Variants in AAMDC observed in about 807,000 individuals in gnomAD.
AAMDC encodes the protein mth938 domain-containing protein.
AAMDC carries 16 observed loss-of-function variants against 15.5 expected under a neutral mutation model. That is an observed-to-expected ratio of 1.03 (90% CI 0.70 to 1.57). AAMDC has a LOEUF of 1.57. Among genes scored for constraint, AAMDC ranks in the 40% most tolerant of loss-of-function variants. AAMDC has a pLI of 0.00. For missense variants in AAMDC, 141 were observed against 144.9 expected (o/e 0.97, Z 0.14); for synonymous variants, 51 against 51.6 (o/e 0.99, Z 0.05).
intron 1 of AAMDC, among the ~76,000 whole-genome samples, chr11:77,828,670 GAA>G (rs34504909): frequency 2.0e-4 from 17 of 83,884 alleles, no homozygotes; most frequent in Middle Eastern, 7.9e-3. Context: ...ACTCCATCTC[GAA>G]AAAAAAAAAA....
At chr11:77,870,527 C>T (rs868235056) in intron 3 of AAMDC, among the ~76,000 whole-genome samples, 11 of 151,506 alleles carry the variant, frequency 7.3e-5, no homozygotes, top group Middle Eastern at 3.4e-3. Context: ...TTAGTAGAGA[C>T]GGGGTTTCAC....
intron 1 of AAMDC, among the ~76,000 whole-genome samples, chr11:77,833,705 A>G (rs1351193462): frequency 6.6e-6 from 1 of 152,178 alleles, no homozygotes; most frequent in Non-Finnish European, 1.5e-5. Flanking sequence ...TGTACCTATT[A>G]GAATGTTTAT....
intron 2 of AAMDC, among the ~76,000 whole-genome samples, chr11:77,852,962 T>C (rs1456982686): frequency 6.6e-6 from 1 of 152,192 alleles, no homozygotes; most frequent in East Asian, 1.9e-4. Context: ...ACTCGATTGC[T>C]TTCAATATTT....
chr11:77,825,981 C>T (rs1251106453), intron 1 of AAMDC, among the ~76,000 whole-genome samples: 2 of 151,926 alleles, frequency 1.3e-5, no homozygotes, highest in African/African-American at 4.8e-5. Context: ...CGTGAGCCAC[C>T]GTCTTACTAC....
At chr11:77,862,989 C>T (rs945913007) in intron 2 of AAMDC, among the ~76,000 whole-genome samples, 3 of 152,060 alleles carry the variant, frequency 2.0e-5, no homozygotes, top group Admixed American at 6.6e-5. Context: ...CCAAATGTTA[C>T]CGGGGGGTCC....
chr11:77,879,224 G>A, intron 5 of AAMDC: 1 of 1,359,626 alleles, frequency 7.4e-7, no homozygotes, highest in Non-Finnish European at 1.0e-6. Flanking sequence ...GAAGCAGTAG[G>A]GAGAAATTTC....
chr11:77,836,050 T>C (rs957159461), intron 1 of AAMDC, among the ~76,000 whole-genome samples: 1 of 152,204 alleles, frequency 6.6e-6, no homozygotes, highest in African/African-American at 2.4e-5. Flanking sequence ...TGGAACAAAG[T>C]TCTTAACCAC....
chr11:77,879,019 C>T lies in AAMDC; in HGVS notation c.328+1970C>T, dbSNP rs367591609. The T allele has an allele frequency of 3.1e-6, 5 of 1,614,056 alleles. No homozygotes were observed. The highest frequency in any genetic ancestry group is 4.2e-6 in the Non-Finnish European group (5 of 1,180,034). On this transcript the variant is annotated intron_variant, in intron 5 of 5. Coordinates refer to the AAMDC transcript ENST00000304716. ...GCTGAAGGGAATGGTGCCCTCGATGCTGGTTTCCACCTGTGGTGACATCTC... is the reference window on the plus strand; with the variant it reads ...GCTGAAGGGAATGGTGCCCTCGATGTTGGTTTCCACCTGTGGTGACATCTC...
At chr11:77,905,931 T>C (rs1481808511) in intron 3 of AAMDC, among the ~76,000 whole-genome samples, 1 of 152,220 alleles carries the variant, frequency 6.6e-6, no homozygotes, top group Admixed American at 6.5e-5. Context: ...CAAAAATGTA[T>C]GTTGTTATTG....
At chr11:77,857,435 TATAA>T (rs1445554978) in intron 2 of AAMDC, among the ~76,000 whole-genome samples, 5 of 152,222 alleles carry the variant, frequency 3.3e-5, no homozygotes, top group African/African-American at 4.8e-5. Flanking sequence ...TGTCACTATC[TATAA>T]ATATTTATTT....
chr11:77,846,269 T>C (rs1950143422), intron 2 of AAMDC, among the ~76,000 whole-genome samples: 2 of 152,222 alleles, frequency 1.3e-5, no homozygotes, highest in Non-Finnish European at 2.9e-5. Context: ...CAGTTGCCTT[T>C]CTTATTATTC....
chr11:77,860,646 G>A (rs1017872740), intron 2 of AAMDC, among the ~76,000 whole-genome samples: 1 of 152,204 alleles, frequency 6.6e-6, no homozygotes, highest in African/African-American at 2.4e-5. Context: ...CTAATGCCTG[G>A]CCAAATAGAT....
intron 2 of AAMDC, among the ~76,000 whole-genome samples, chr11:77,857,153 T>C (rs1950655064): frequency 6.6e-6 from 1 of 152,186 alleles, no homozygotes; most frequent in Non-Finnish European, 1.5e-5. Flanking sequence ...AGAAGCTCTA[T>C]AGAGTAATTA....
At chr11:77,869,555 G>A (rs543061050) in intron 2 of AAMDC, 167 bp from the exon 3 acceptor site, 11 of 567,734 alleles carry the variant, frequency 1.9e-5, no homozygotes, top group Non-Finnish European at 3.4e-5. Context: ...AGGTTCAAGG[G>A]ATCCTGCCTC....
chr11:77,870,329 A>ATTTTTTTTTT (rs965312288), intron 3 of AAMDC, among the ~76,000 whole-genome samples: 1 of 87,982 alleles, frequency 1.1e-5, no homozygotes, highest in Non-Finnish European at 2.2e-5. Flanking sequence ...CTATTTTTTA[A>ATTTTTTTTTT]TTTTTTTTTT....
intron 5 of AAMDC, chr11:77,883,879 C>T (rs769004642): frequency 1.6e-5 from 26 of 1,612,754 alleles, no homozygotes; most frequent in African/African-American, 2.7e-5. Flanking sequence ...GAGCCGGTGC[C>T]GCCCTGGGCC....
chr11:77,878,093 T>C (rs370407848), intron 5 of AAMDC, among the ~76,000 whole-genome samples: 21 of 152,274 alleles, frequency 1.4e-4, no homozygotes, highest in African/African-American at 4.8e-4. Flanking sequence ...CAAGGCGCGG[T>C]TGCTCACACT....
chr11:77,846,007 A>G (rs1481091671), intron 2 of AAMDC, among the ~76,000 whole-genome samples: 2 of 139,686 alleles, frequency 1.4e-5, no homozygotes, highest in Admixed American at 1.4e-4. Flanking sequence ...TATATTTCTC[A>G]TTTTTTTTTT....
intron 2 of AAMDC, among the ~76,000 whole-genome samples, chr11:77,853,434 T>C (rs1950482026): frequency 6.6e-6 from 1 of 151,938 alleles, no homozygotes; most frequent in South Asian, 2.1e-4. Context: ...GGGGAGGTGC[T>C]ATATACTTTT....
Sources: gnomAD v4.1 joint callset for allele counts (sites outside exome capture counted in the v4.1 genomes callset) on GRCh38, gnomAD v4.1.1 for gene constraint, MANE v1.5 for transcripts, NCBI Gene and HGNC (gene_info 2026-07-23, HGNC 2026-07-21) for gene names.